STPG2: variants seen among roughly 807,000 people sequenced by gnomAD.
STPG2 encodes sperm-tail PG-rich repeat-containing protein 2.
STPG2 carries 56 observed loss-of-function variants against 54.2 expected under a neutral mutation model. That is an observed-to-expected ratio of 1.03 (90% CI 0.83 to 1.29). The LOEUF (loss-of-function observed/expected upper bound fraction) is 1.29, where lower values mean the gene tolerates loss of function less well. Among genes scored for constraint, STPG2 ranks in the 50% most tolerant of loss-of-function variants. The pLI is 0.00. For missense variants in STPG2, 596 were observed against 544.9 expected (o/e 1.09, Z -0.93); for synonymous variants, 200 against 181.8 (o/e 1.10, Z -0.81).
chr4:98,065,582 C>T (rs537323657), intron 5 of STPG2, among the ~76,000 whole-genome samples: 1 of 152,244 alleles, frequency 6.6e-6, no homozygotes, highest in South Asian at 2.1e-4. Flanking sequence ...TTAACTTATT[C>T]AAAATTGACT....
intron 7 of STPG2, among the ~76,000 whole-genome samples, chr4:97,964,345 G>T (rs547598198): frequency 6.6e-6 from 1 of 152,138 alleles, no homozygotes; most frequent in Admixed American, 6.5e-5. Flanking sequence ...TGCTGAGGAG[G>T]GAGACATTGT....
intron 10 of STPG2, among the ~76,000 whole-genome samples, chr4:97,633,298 A>T (rs1314757516): frequency 6.6e-6 from 1 of 152,148 alleles, no homozygotes; most frequent in African/African-American, 2.4e-5. Context: ...TATACAAATT[A>T]AAAAGTTGGA....
chr4:98,005,407 T>C (rs778705458), intron 5 of STPG2, among the ~76,000 whole-genome samples: 4 of 152,210 alleles, frequency 2.6e-5, no homozygotes, highest in Admixed American at 1.3e-4. Context: ...CAGCTCTGAA[T>C]AGGACTTCCA....
chr4:98,139,197 C>A (rs1229361517), intron 1 of STPG2, among the ~76,000 whole-genome samples: 1 of 152,106 alleles, frequency 6.6e-6, no homozygotes, highest in Non-Finnish European at 1.5e-5. Context: ...AGGAGAGATT[C>A]TCCCTGATCA....
intron 8 of STPG2, among the ~76,000 whole-genome samples, chr4:97,887,248 C>G (rs563028219): frequency 6.6e-6 from 1 of 152,122 alleles, no homozygotes; most frequent in Non-Finnish European, 1.5e-5. Context: ...GTGTGAAGGG[C>G]TCACAAGGAG....
intron 1 of STPG2, among the ~76,000 whole-genome samples, chr4:98,139,417 T>A (rs1479960002): frequency 2.0e-5 from 3 of 152,144 alleles, no homozygotes. Flanking sequence ...AAATTCAAAA[T>A]AACAAGTAAG....
chr4:97,668,216 G>A (rs1722585465), intron 10 of STPG2, among the ~76,000 whole-genome samples: 2 of 152,090 alleles, frequency 1.3e-5, no homozygotes, highest in Admixed American at 1.3e-4. Context: ...AACAGGCAAA[G>A]CCAAAATAAA....
chr4:97,702,496 A>G (rs1351377020), intron 10 of STPG2, among the ~76,000 whole-genome samples: 1 of 152,166 alleles, frequency 6.6e-6, no homozygotes, highest in Non-Finnish European at 1.5e-5. Flanking sequence ...TTATAGGTCT[A>G]GAAGCAAATG....
intron 4 of STPG2, among the ~76,000 whole-genome samples, chr4:97,543,379 A>G (rs994730316): frequency 6.6e-6 from 1 of 151,840 alleles, no homozygotes; most frequent in African/African-American, 2.4e-5. Context: ...TATGGAGTCA[A>G]TTTTCCTACC....
At position 97,840,894 on chromosome 4, in the gene STPG2, T is replaced by A; in HGVS notation, c.1083A>T (p.Ser361=). 1 of 1,612,098 alleles carries A rather than the reference T, an allele frequency of 6.2e-7. No individual in the cohort carries two copies. Among genetic ancestry groups the A allele is most frequent in the South Asian group, 1.1e-5 (1 of 91,032 alleles). ...TATGCTTAACTTGGGACATCTCATA[T>A]GATTTGTGAACATCATAGCTGCCTG... ...PAPGSYDVHK[S]YEMSQVKHKY... is the part of the protein sequence containing the mutation. The change falls in exon 9 of 11, where the codon TCA becomes TCT. Residue 361 remains serine, a synonymous_variant. Transcript: ENST00000295268.
chr4:97,712,690 T>C lies in STPG2; in HGVS notation c.1320+9A>G. 3 of 1,541,724 alleles carry C rather than the reference T, an allele frequency of 1.9e-6. No homozygotes were observed. Among genetic ancestry groups the C allele is most frequent in the Non-Finnish European group, 2.6e-6 (3 of 1,140,286 alleles). ...TTGTGTCACTGTTAAGAAGGAAATA[T>C]TGACAAACCTCATATGTTGCTGGGC... On this transcript the variant is annotated intron_variant, in intron 10 of 10. Transcript: ENST00000295268.
intron 8 of STPG2, among the ~76,000 whole-genome samples, chr4:97,933,934 AAT>A (rs1461219988): frequency 1.3e-5 from 2 of 152,204 alleles, no homozygotes; most frequent in Non-Finnish European, 2.9e-5. Context: ...AATAGCATTG[AAT>A]CTATAAATTA....
At chr4:97,766,381 T>A (rs1176484659) in intron 9 of STPG2, among the ~76,000 whole-genome samples, 1 of 152,064 alleles carries the variant, frequency 6.6e-6, no homozygotes, top group Non-Finnish European at 1.5e-5. Context: ...GATTTAAACA[T>A]TTAAAATAAA....
rs36080509 is a variant in STPG2 at position 98,108,107 on chromosome 4, A to G, written c.500+1086T>C. ...GCCATGTTTTATTCTTGTTATTCTC[A>G]GTTACTAAGTTCAGAACTGGCACAT... On this transcript the variant is annotated intron_variant, in intron 4 of 10. Transcript: ENST00000295268. 5.5e-3 allele frequency among the ~76,000 whole-genome samples: 831 copies of G among 152,272 alleles called. 3 individuals carry two copies. The highest frequency in any genetic ancestry group is 8.9e-3 in the Non-Finnish European group (607 of 68,016).
chr4:97,900,699 A>T (rs557798957), intron 8 of STPG2, among the ~76,000 whole-genome samples: 1 of 152,228 alleles, frequency 6.6e-6, no homozygotes, highest in East Asian at 1.9e-4. Context: ...ACATGTTCTC[A>T]CTTTTAAGTG....
chr4:97,958,305 G>A (rs1445431982), intron 7 of STPG2, among the ~76,000 whole-genome samples: 1 of 128,172 alleles, frequency 7.8e-6, no homozygotes, highest in African/African-American at 3.0e-5. Flanking sequence ...GTGAGGATGT[G>A]TCTCAAAAAA....
intron 9 of STPG2, among the ~76,000 whole-genome samples, chr4:97,840,119 T>C (rs1728750590): frequency 1.3e-5 from 2 of 151,654 alleles, no homozygotes; most frequent in South Asian, 4.1e-4. Flanking sequence ...TTTGGAATTG[T>C]AAATGCTCAA....
At chr4:97,597,738 A>C (rs1398473659) in intron 10 of STPG2, among the ~76,000 whole-genome samples, 1 of 152,158 alleles carries the variant, frequency 6.6e-6, no homozygotes, top group Non-Finnish European at 1.5e-5. Context: ...ATACATCGGA[A>C]GTATAAGAGC....
At chr4:97,529,553 A>C (rs1276554281) in intron 4 of STPG2, among the ~76,000 whole-genome samples, 2 of 152,128 alleles carry the variant, frequency 1.3e-5, no homozygotes, top group Non-Finnish European at 2.9e-5. Context: ...TTTCAGCAGG[A>C]ATGGTAGCAT....
Sources: allele counts gnomAD v4.1 joint callset (sites outside exome capture counted in the v4.1 genomes callset), GRCh38; gene constraint gnomAD v4.1.1; transcripts MANE v1.5; gene names NCBI Gene and HGNC (gene_info 2026-07-23, HGNC 2026-07-21).